The following TXNDC11 variants were observed in gnomAD, a reference collection of about 807,000 sequenced individuals.
The protein encoded by TXNDC11 is thioredoxin domain-containing protein 11.
A neutral mutation model predicts 78.0 loss-of-function variants in TXNDC11; 68 were observed. The ratio of observed to expected loss-of-function variants is 0.87; its 90% CI spans 0.72 to 1.07. The LOEUF is 1.07. Among genes scored for constraint, TXNDC11 ranks in the 50% least tolerant of loss-of-function variants. The probability of loss-of-function intolerance (pLI) is 0.00; values close to 1 mark genes in which losing one functional copy is unlikely to be tolerated. For missense variants in TXNDC11, 1,389 were observed against 1,221.8 expected (o/e 1.14, Z -2.04); for synonymous variants, 571 against 495.2 (o/e 1.15, Z -2.03).
At chr16:11,719,783 C>A (rs1473200095) in intron 5 of TXNDC11, among the ~76,000 whole-genome samples, 1 of 152,024 alleles carries the variant, frequency 6.6e-6, no homozygotes, top group African/African-American at 2.4e-5. Context: ...ATCTTGTAAC[C>A]ACATACATAA....
In TXNDC11 at chr16:11,742,699, C is replaced by A; in HGVS notation, c.32G>T (p.Ser11Ile). 6.8e-7 allele frequency: 1 copy of A among 1,479,982 alleles called. No individual in the cohort carries two copies. Among genetic ancestry groups the A allele is most frequent in the African/African-American group, 1.5e-5 (1 of 68,368 alleles). 91.7% of individuals were successfully genotyped at this position (1,479,982 alleles called of 1,614,324 possible). Residue 11 changes from serine (S) to isoleucine (I), a missense_variant, in exon 1 of 12, where the codon AGC becomes ATC. By Grantham distance (142) the Ser-to-Ile change is moderately radical (BLOSUM62 -2). Transcript: ENST00000283033. ...GTCCTCGGCGTCCTCGCTGCTGCTG[C>A]TGCCGCCGCCGCGGCCTCCGCATTC... MSECGGRGGG[S>I]SSSEDAEDEG...
chr16:11,690,983 C>T (rs2050698759), intron 8 of TXNDC11: 1 of 367,322 alleles, frequency 2.7e-6, no homozygotes, highest in Non-Finnish European at 5.0e-6. Context: ...CAAGTCCCCA[C>T]TGCCTGCAGC....
chr16:11,702,765 T>C (rs529151359), intron 5 of TXNDC11, among the ~76,000 whole-genome samples: 9 of 152,290 alleles, frequency 5.9e-5, no homozygotes, highest in South Asian at 2.1e-4. Context: ...TATAAAAATA[T>C]TGAGGTGTTA....
intron 1 of TXNDC11, among the ~76,000 whole-genome samples, chr16:11,738,958 C>T (rs1567356520): frequency 6.6e-6 from 1 of 151,700 alleles, no homozygotes; most frequent in African/African-American, 2.4e-5. Context: ...ACACGGGAGG[C>T]GGAGTTTGCA....
At chr16:11,710,866 C>T (rs1175757234) in intron 5 of TXNDC11, among the ~76,000 whole-genome samples, 1 of 152,048 alleles carries the variant, frequency 6.6e-6, no homozygotes, top group African/African-American at 2.4e-5. Flanking sequence ...CTCATTGGCC[C>T]CTGTCTATCT....
chr16:11,706,477 C>A (rs1040431651), intron 5 of TXNDC11, among the ~76,000 whole-genome samples: 2 of 152,230 alleles, frequency 1.3e-5, no homozygotes, highest in African/African-American at 4.8e-5. Context: ...GGGGAACCAG[C>A]ACTATTATGC....
chr16:11,730,868 A>T, intron 3 of TXNDC11, 94 bp from the exon 4 acceptor site: 1 of 966,130 alleles, frequency 1.0e-6, no homozygotes, highest in Non-Finnish European at 1.4e-6. Context: ...TCACCACCAC[A>T]AAATGAAAGT....
chr16:11,715,793 G>A (rs1283843788), intron 5 of TXNDC11, among the ~76,000 whole-genome samples: 2 of 152,164 alleles, frequency 1.3e-5, no homozygotes, highest in Non-Finnish European at 2.9e-5. Context: ...AAGCAGGTAG[G>A]AGGTGCACGG....
chr16:11,679,843 G>T lies in TXNDC11; in HGVS notation c.2235-6C>A. On this transcript the variant is annotated splice_region_variant and splice_polypyrimidine_tract_variant and intron_variant, in intron 11 of 11. Coordinates refer to ENST00000283033, the MANE Select transcript of TXNDC11 (RefSeq NM_015914.7). The surrounding 1 kb of genome is among the most constrained non-coding windows in gnomAD (Gnocchi z 4.6). ...ATTTCACACTTAGGTCCTTTCTGGA[G>T]AGAGAGGGAAAGGAAGCAAAGACAG... 1 of 1,602,534 alleles carries T rather than the reference G, an allele frequency of 6.2e-7. No individual in the cohort carries two copies. The highest frequency in any genetic ancestry group is 8.5e-7 in the Non-Finnish European group (1 of 1,171,756).
At chr16:11,699,126 A>G (rs1200291635) in intron 6 of TXNDC11, among the ~76,000 whole-genome samples, 1 of 152,260 alleles carries the variant, frequency 6.6e-6, no homozygotes, top group Non-Finnish European at 1.5e-5. Flanking sequence ...TTGACTCATA[A>G]CAGAGACTAA....
intron 5 of TXNDC11, among the ~76,000 whole-genome samples, 153 bp from the exon 6 acceptor site, chr16:11,700,717 T>G (rs2050989464): frequency 6.6e-6 from 1 of 152,118 alleles, no homozygotes. Flanking sequence ...CTGAGGAACC[T>G]CTCCTCCTGA....
intron 5 of TXNDC11, among the ~76,000 whole-genome samples, chr16:11,709,115 G>C (rs1412912971): frequency 6.6e-6 from 1 of 152,124 alleles, no homozygotes; most frequent in Non-Finnish European, 1.5e-5. Flanking sequence ...AAATGAGACA[G>C]TGAAATGTGC....
chr16:11,719,849 G>C (rs2051650183), intron 5 of TXNDC11, among the ~76,000 whole-genome samples: 1 of 152,238 alleles, frequency 6.6e-6, no homozygotes, highest in Admixed American at 6.5e-5. Context: ...GTTAGACTGG[G>C]GTAGTGGTTT....
chr16:11,681,164 C>T (rs1259780851), intron 11 of TXNDC11, among the ~76,000 whole-genome samples: 1 of 152,132 alleles, frequency 6.6e-6, no homozygotes, highest in Admixed American at 6.5e-5. Context: ...AGAGTCAGAC[C>T]TTGTCTCAAA....
rs2050608352 is a variant in TXNDC11 at position 11,687,886 on chromosome 16, G to A, written c.2124C>T (p.Asn708=). 3.7e-6 allele frequency: 6 copies of A among 1,613,750 alleles called. No homozygotes were observed. The East Asian group carries it at 8.9e-5, about 24-fold the overall frequency. The part of the protein sequence containing the change: ...LNHIFIQLAR[N]LPMDTFTVAR... ...CCACAGTGAATGTGTCCATGGGCAGGTTCCGAGCTAGCTGGATGAAGATGT... is the reference window on the plus strand; with the variant it reads ...CCACAGTGAATGTGTCCATGGGCAGATTCCGAGCTAGCTGGATGAAGATGT... The change falls in exon 10 of 12, where the codon AAC becomes AAT. Residue 708 remains asparagine (N), a synonymous_variant. Coordinates refer to ENST00000283033, the MANE Select transcript of TXNDC11 (RefSeq NM_015914.7).
At chr16:11,732,097 G>T (rs529397843) in intron 3 of TXNDC11, among the ~76,000 whole-genome samples, 1 of 152,108 alleles carries the variant, frequency 6.6e-6, no homozygotes, top group Non-Finnish European at 1.5e-5. Context: ...GTGTGGAGGC[G>T]GGCATTTCAA....
Position 11,687,969 on chromosome 16 carries a change from G to A in TXNDC11, c.2044-3C>T, listed in dbSNP as rs2141978341. The A allele has an allele frequency of 1.9e-6, 3 of 1,603,664 alleles. No individual in the cohort carries two copies. Among genetic ancestry groups the A allele is most frequent in the East Asian group, 2.2e-5 (1 of 44,804 alleles). On this transcript the variant is annotated splice_polypyrimidine_tract_variant and splice_region_variant and intron_variant, in intron 9 of 11. Coordinates refer to ENST00000283033, the MANE Select transcript of TXNDC11 (RefSeq NM_015914.7). Reference sequence around the variant, plus strand: ...GCGTAATAGAGCAGGAGAACGTCCTGTGGGAAAGGGAAGACAGATGTTACT... The same window carrying A: ...GCGTAATAGAGCAGGAGAACGTCCTATGGGAAAGGGAAGACAGATGTTACT...
intron 7 of TXNDC11, among the ~76,000 whole-genome samples, chr16:11,695,904 G>A (rs529384415): frequency 4.6e-5 from 7 of 151,984 alleles, no homozygotes; most frequent in East Asian, 1.9e-4. Context: ...GCGTAGAGGC[G>A]TGCACCTGTA....
rs200731009 is a variant in TXNDC11 at position 11,679,682 on chromosome 16, C to T, written c.2390G>A (p.Arg797Gln). 6.4e-5 allele frequency: 103 copies of T among 1,614,078 alleles called. 1 individual carries two copies. The highest frequency in any genetic ancestry group is 1.6e-4 in the Middle Eastern group (1 of 6,084). The change falls in exon 12 of 12, where the codon CGG (arginine) becomes CAG (glutamine). Residue 797 changes from arginine to glutamine, a missense_variant. Coordinates refer to ENST00000283033, the MANE Select transcript of TXNDC11 (RefSeq NM_015914.7). This position sits in a 1 kb window ranked among gnomAD's most constrained non-coding sequence, Gnocchi z 4.6. ...TCTCTCCAAGTGGGAGATGTGCCCC[C>T]GCTGTAAGACTGCCTCGCTCTGAAG... ...ECLQSEAVLQ[R>Q]GHISHLEREI...
Sources: allele counts gnomAD v4.1 joint callset (sites outside exome capture counted in the v4.1 genomes callset), GRCh38; gene constraint gnomAD v4.1.1; non-coding constraint Gnocchi (gnomAD v3.1); transcripts MANE v1.5; gene names NCBI Gene and HGNC (gene_info 2026-07-23, HGNC 2026-07-21).